Variants in XNDC1N observed in about 807,000 individuals in gnomAD.
The protein encoded by XNDC1N is XRCC1 N-terminal domain containing 1, N-terminal like, also known as protein XNDC1N.
the XNDC1N span, among the ~76,000 whole-genome samples, chr11:71,873,387 T>A: frequency 6.6e-6 from 1 of 152,236 alleles, no homozygotes; most frequent in Non-Finnish European, 1.5e-5. Flanking sequence ...TAGGAATGTG[T>A]TGTGTTTGAA....
At chr11:71,895,468 C>T in the XNDC1N span, among the ~76,000 whole-genome samples, 1 of 142,498 alleles carries the variant, frequency 7.0e-6, no homozygotes, top group Non-Finnish European at 1.5e-5. Context: ...CGCTACCATG[C>T]CTGGCTATTT....
the XNDC1N span, among the ~76,000 whole-genome samples, chr11:71,895,354 G>C: frequency 3.2e-4 from 48 of 151,840 alleles, no homozygotes; most frequent in Middle Eastern, 0.01. Context: ...TTGTTGCCCA[G>C]GCTGGAGTTC....
chr11:71,902,855 C>A, the XNDC1N span, among the ~76,000 whole-genome samples: 56 of 152,208 alleles, frequency 3.7e-4, no homozygotes, highest in African/African-American at 1.3e-3. Context: ...TTTATTACAT[C>A]TTTTCCTTCG....
chr11:71,924,572 G>A, the XNDC1N span, among the ~76,000 whole-genome samples: 6 of 152,056 alleles, frequency 3.9e-5, no homozygotes, highest in African/African-American at 1.4e-4. Flanking sequence ...CAGCTACTCG[G>A]GAGGCTGAGG....
At chr11:71,928,302 G>A in the XNDC1N span, 1 of 605,596 alleles carries the variant, frequency 1.7e-6, no homozygotes, top group Non-Finnish European at 2.9e-6. Context: ...TCATTTCCTT[G>A]ATGGCCACCC....
the XNDC1N span, chr11:71,917,382 A>G: frequency 3.3e-6 from 2 of 609,448 alleles, no homozygotes; most frequent in Non-Finnish European, 5.9e-6. Flanking sequence ...CAAGTTATAT[A>G]TAAATATAAA....
the XNDC1N span, among the ~76,000 whole-genome samples, chr11:71,914,690 G>GA: frequency 0.058 from 8,042 of 139,380 alleles, 257 homozygotes; most frequent in African/African-American, 0.11. Context: ...TTTGTCTCGG[G>GA]AAAAAAAAAA....
chr11:71,894,328 CT>C, the XNDC1N span: 5 of 393,396 alleles, frequency 1.3e-5, no homozygotes, highest in Admixed American at 3.1e-5. Flanking sequence ...CATGCTGAAC[CT>C]TTTCATCTAC....
the XNDC1N span, among the ~76,000 whole-genome samples, chr11:71,871,026 G>A: frequency 6.6e-6 from 1 of 152,140 alleles, no homozygotes; most frequent in Admixed American, 6.5e-5. Flanking sequence ...TCTCACATCT[G>A]GGTATTTACT....
chr11:71,877,444 C>A, the XNDC1N span, among the ~76,000 whole-genome samples: 1 of 152,210 alleles, frequency 6.6e-6, no homozygotes, highest in African/African-American at 2.4e-5. Context: ...TCGAGACCAG[C>A]CTGGCCAACA....
the XNDC1N span, chr11:71,916,578 G>A: frequency 7.9e-6 from 2 of 252,468 alleles, no homozygotes; most frequent in East Asian, 1.6e-4. Flanking sequence ...TGCAGAGTAA[G>A]GACCCAGTGG....
At chr11:71,869,793 T>C in the XNDC1N span, among the ~76,000 whole-genome samples, 1 of 152,220 alleles carries the variant, frequency 6.6e-6, no homozygotes, top group Admixed American at 6.5e-5. Context: ...CTGCAGTCCC[T>C]TGAAGGTAAG....
chr11:71,893,405 G>T, the XNDC1N span: 1 of 702,406 alleles, frequency 1.4e-6, no homozygotes, highest in East Asian at 2.7e-5. Context: ...CAGCATTAAG[G>T]GCTGGTTTTT....
chr11:71,899,875 C>CAT, the XNDC1N span, among the ~76,000 whole-genome samples: 1 of 152,148 alleles, frequency 6.6e-6, no homozygotes, highest in South Asian at 2.1e-4. Context: ...AGGCCCCTGT[C>CAT]TCCTGCCTGC....
chr11:71,865,965 T>A, the XNDC1N span: 1 of 316,016 alleles, frequency 3.2e-6, no homozygotes, highest in Non-Finnish European at 6.1e-6. Flanking sequence ...AGTAAAGAAA[T>A]TATCAGTTAA....
At chr11:71,887,502 GAGA>G in the XNDC1N span, among the ~76,000 whole-genome samples, 3 of 152,198 alleles carry the variant, frequency 2.0e-5, no homozygotes, top group East Asian at 1.9e-4. Flanking sequence ...CAGGCCAAGA[GAGA>G]AGACCAGCTC....
the XNDC1N span, among the ~76,000 whole-genome samples, chr11:71,870,085 A>T: frequency 6.6e-6 from 1 of 152,316 alleles, no homozygotes; most frequent in East Asian, 1.9e-4. Flanking sequence ...GGGAATTCCC[A>T]TTTATAAAAT....
chr11:71,917,425 T>G, the XNDC1N span: 1 of 629,936 alleles, frequency 1.6e-6, no homozygotes, highest in South Asian at 1.8e-5. Flanking sequence ...CCAGCTAGCA[T>G]GCATCCTCAC....
chr11:71,895,323 T>G, the XNDC1N span, among the ~76,000 whole-genome samples: 1 of 152,144 alleles, frequency 6.6e-6, no homozygotes, highest in Non-Finnish European at 1.5e-5. Context: ...TTCCCTTTTT[T>G]TTTGAGTCAG....
Sources: gnomAD v4.1 joint callset for allele counts (sites outside exome capture counted in the v4.1 genomes callset) on GRCh38, gnomAD v4.1.1 for gene constraint, MANE v1.5 for transcripts, NCBI Gene and HGNC (gene_info 2026-07-23, HGNC 2026-07-21) for gene names.